CSGALNACT1: variants seen among roughly 807,000 people sequenced by gnomAD.
The protein encoded by CSGALNACT1 is chondroitin sulfate N-acetylgalactosaminyltransferase 1, also known as beta4GalNAcT-1.
A neutral mutation model predicts 51.0 loss-of-function variants in CSGALNACT1; 52 were observed. The observed-to-expected ratio is 1.02, with a 90% CI of 0.82 to 1.29. The LOEUF (loss-of-function observed/expected upper bound fraction) is 1.29, where lower values mean the gene tolerates loss of function less well. CSGALNACT1 is among the 50% of genes most tolerant of loss of function. The pLI, the probability that CSGALNACT1 is intolerant of heterozygous loss-of-function variation, is 0.00. For missense variants in CSGALNACT1, 935 were observed against 679.2 expected (o/e 1.38, Z -4.19); for synonymous variants, 341 against 254.4 (o/e 1.34, Z -3.24).
At chr8:19,621,044 G>A (rs1451423129) in intron 1 of CSGALNACT1, among the ~76,000 whole-genome samples, 1 of 152,168 alleles carries the variant, frequency 6.6e-6, no homozygotes, top group African/African-American at 2.4e-5. Flanking sequence ...TTACGAAAAT[G>A]AAAAATGAAC....
chr8:19,418,496 G>A (rs763029897), intron 8 of CSGALNACT1, among the ~76,000 whole-genome samples, 160 bp downstream of exon 7: 6 of 152,004 alleles, frequency 3.9e-5, no homozygotes, highest in Non-Finnish European at 5.9e-5. Context: ...TTTAATCAAC[G>A]AGGCGCCGGG....
intron 1 of CSGALNACT1, among the ~76,000 whole-genome samples, chr8:19,663,393 C>A (rs1035799893): frequency 1.3e-5 from 2 of 152,200 alleles, no homozygotes; most frequent in African/African-American, 2.4e-5. Context: ...ATAAAACTTA[C>A]TGAAAAATCA....
At chr8:19,419,897 G>A (rs1253252438) in intron 7 of CSGALNACT1, among the ~76,000 whole-genome samples, 3 of 152,190 alleles carry the variant, frequency 2.0e-5, no homozygotes, top group African/African-American at 7.2e-5. Flanking sequence ...ATAATCCCCA[G>A]ATATCCTGGA....
chr8:19,549,044 T>C (rs1338738745), intron 3 of CSGALNACT1, among the ~76,000 whole-genome samples: 2 of 152,070 alleles, frequency 1.3e-5, no homozygotes, highest in African/African-American at 4.8e-5. Context: ...CTCCAACTCC[T>C]GACATCAAGT....
intron 1 of CSGALNACT1, among the ~76,000 whole-genome samples, chr8:19,709,737 G>C (rs756703254): frequency 6.6e-6 from 1 of 152,194 alleles, no homozygotes; most frequent in Non-Finnish European, 1.5e-5. Flanking sequence ...CCCCCGCCCA[G>C]AGTCTGATGT....
chr8:19,644,709 C>CAAA lies in CSGALNACT1; in HGVS notation c.-544+37761_-544+37763dup, dbSNP rs756025465. 3.1e-3 allele frequency among the ~76,000 whole-genome samples: 69 copies of CAAA among 22,246 alleles called. 4 individuals are homozygous for CAAA. The highest frequency in any genetic ancestry group is 8.6e-3 in the South Asian group (4 of 466). 14.6% of individuals were successfully genotyped at this position (22,246 alleles called of 152,430 possible). A position where few individuals can be genotyped will look rare whatever the true frequency, so the allele number is the denominator to read the frequency against. The stretch of plus-strand genomic sequence containing the variant: ...TGGGTAACAGAGCGAGACTCCGTCT[C>CAAA]AAAAAAAAAAAAAAAAAAAAAAAAA... On this transcript the variant is annotated intron_variant, in intron 1 of 9. Transcript: ENST00000332246.
intron 5 of CSGALNACT1, among the ~76,000 whole-genome samples, chr8:19,454,326 A>C (rs1007369145): frequency 1.3e-5 from 2 of 152,238 alleles, no homozygotes; most frequent in African/African-American, 4.8e-5. Flanking sequence ...AGAACTGCAG[A>C]AACTGTAGTT....
At chr8:19,749,776 T>C (rs963260646) in intron 1 of CSGALNACT1, among the ~76,000 whole-genome samples, 16 of 152,300 alleles carry the variant, frequency 1.1e-4, no homozygotes, top group Non-Finnish European at 2.2e-4. Context: ...ATTTCTCCTG[T>C]GACAATAGCT....
chr8:19,417,304 G>A (rs562790556), intron 8 of CSGALNACT1, among the ~76,000 whole-genome samples: 17 of 152,284 alleles, frequency 1.1e-4, no homozygotes, highest in South Asian at 8.3e-4. Context: ...TAAACCTGGT[G>A]CACCCCAAAA....
At position 19,541,005 on chromosome 8, in the gene CSGALNACT1, C is replaced by G. The variant is rs142381780; in HGVS notation, c.-296-34875G>C. 5.0e-3 allele frequency among the ~76,000 whole-genome samples: 755 copies of G among 152,262 alleles called. 4 individuals are homozygous for G. The highest frequency in any genetic ancestry group is 6.0e-3 in the Non-Finnish European group (410 of 68,026). Reference sequence around the variant, plus strand: ...AGGTCATTTAAAGAAAGAATGACATCTTAACTCTTTATCACCTTCACTATA... The same window carrying G: ...AGGTCATTTAAAGAAAGAATGACATGTTAACTCTTTATCACCTTCACTATA... On this transcript the variant is annotated intron_variant, in intron 3 of 9. Coordinates refer to ENST00000454498, the Ensembl canonical transcript of CSGALNACT1.
chr8:19,514,782 G>A (rs551259447), intron 3 of CSGALNACT1, among the ~76,000 whole-genome samples: 1 of 151,700 alleles, frequency 6.6e-6, no homozygotes, highest in East Asian at 1.9e-4. Context: ...GCAGTGAGCT[G>A]AGATCACTCC....
intron 2 of CSGALNACT1, among the ~76,000 whole-genome samples, chr8:19,592,401 ATATT>A (rs2048012075): frequency 6.6e-6 from 1 of 152,236 alleles, no homozygotes; most frequent in Non-Finnish European, 1.5e-5. Context: ...AATAGTATAT[ATATT>A]TATTTATGTA....
chr8:19,424,556 G>A (rs1006855731), intron 6 of CSGALNACT1, among the ~76,000 whole-genome samples: 3 of 152,148 alleles, frequency 2.0e-5, no homozygotes, highest in African/African-American at 4.8e-5. Context: ...CTAGAAGTGG[G>A]GCAGCCTCCT....
At chr8:19,568,187 T>C (rs2042276525) in intron 3 of CSGALNACT1, among the ~76,000 whole-genome samples, 1 of 152,222 alleles carries the variant, frequency 6.6e-6, no homozygotes, top group Non-Finnish European at 1.5e-5. Flanking sequence ...GCAAACATCA[T>C]ATATTGTACT....
intron 1 of CSGALNACT1, among the ~76,000 whole-genome samples, chr8:19,617,497 C>T (rs1359029553): frequency 1.3e-5 from 2 of 152,188 alleles, no homozygotes; most frequent in Admixed American, 6.5e-5. Context: ...ATTCTATGCT[C>T]TCCAAACATA....
chr8:19,529,326 A>T (rs1182638042), intron 3 of CSGALNACT1, among the ~76,000 whole-genome samples: 1 of 152,162 alleles, frequency 6.6e-6, no homozygotes, highest in African/African-American at 2.4e-5. Context: ...AAGGGTGTGT[A>T]TCAGGGAGAA....
chr8:19,444,909 G>C (rs1454232611), intron 5 of CSGALNACT1, among the ~76,000 whole-genome samples: 1 of 152,222 alleles, frequency 6.6e-6, no homozygotes, highest in Non-Finnish European at 1.5e-5. Context: ...AGGTAAGAAA[G>C]AAGAGAATTC....
intron 3 of CSGALNACT1, among the ~76,000 whole-genome samples, chr8:19,565,265 A>C (rs1246633560): frequency 1.3e-5 from 2 of 152,220 alleles, no homozygotes; most frequent in Admixed American, 1.3e-4. Context: ...CATAGAAAAA[A>C]ATTTTAATCT....
intron 3 of CSGALNACT1, among the ~76,000 whole-genome samples, chr8:19,589,247 G>T (rs1449925716): frequency 6.6e-6 from 1 of 152,178 alleles, no homozygotes; most frequent in Non-Finnish European, 1.5e-5. Context: ...CGTCAGACTA[G>T]GTAAAGCAGG....
Sources: allele counts gnomAD v4.1 joint callset (sites outside exome capture counted in the v4.1 genomes callset), GRCh38; gene constraint gnomAD v4.1.1; transcripts MANE v1.5; gene names NCBI Gene and HGNC (gene_info 2026-07-23, HGNC 2026-07-21).